Variants in ATG10 observed in about 807,000 individuals in gnomAD.
ATG10 encodes the protein ubiquitin-like-conjugating enzyme ATG10.
In ATG10, 30 loss-of-function variants were observed where a neutral mutation model predicts 32.1. That is an observed-to-expected ratio of 0.94 (90% CI 0.70 to 1.27). The LOEUF (loss-of-function observed/expected upper bound fraction) is 1.27, where lower values mean the gene tolerates loss of function less well. Among genes scored for constraint, ATG10 ranks in the 50% most tolerant of loss-of-function variants. ATG10 has a pLI of 0.00. For synonymous variants in ATG10, 87 were observed against 91.5 expected, an observed-to-expected ratio of 0.95 and a Z score of 0.28; for missense variants, 233 against 262.3, an observed-to-expected ratio of 0.89 and a Z score of 0.77.
At chr5:82,032,829 C>T (rs1762781426) in intron 2 of ATG10, among the ~76,000 whole-genome samples, 1 of 151,876 alleles carries the variant, frequency 6.6e-6, no homozygotes, top group South Asian at 2.1e-4. Context: ...ACATTGTTCA[C>T]ACCTTTTTAA....
intron 2 of ATG10, chr5:82,009,509 G>A: frequency 2.7e-6 from 3 of 1,108,060 alleles, no homozygotes; most frequent in South Asian, 1.4e-5. Flanking sequence ...AAAGATTCTA[G>A]GATACTGCGA....
At chr5:82,171,832 T>C (rs1743819884) in intron 4 of ATG10, among the ~76,000 whole-genome samples, 1 of 152,228 alleles carries the variant, frequency 6.6e-6, no homozygotes, top group African/African-American at 2.4e-5. Context: ...TGTTCATTCA[T>C]TTGAAAATAT....
intron 2 of ATG10, among the ~76,000 whole-genome samples, chr5:82,017,941 A>C (rs10462376): frequency 6.6e-6 from 1 of 151,944 alleles, no homozygotes; most frequent in African/African-American, 2.4e-5. Context: ...ATTAGTGCCC[A>C]TGAGCAGTCC....
intron 2 of ATG10, among the ~76,000 whole-genome samples, chr5:82,020,331 A>C (rs1762401733): frequency 6.6e-6 from 1 of 152,232 alleles, no homozygotes; most frequent in African/African-American, 2.4e-5. Context: ...AAGTCTTCAG[A>C]GTAACAAAAC....
At position 82,144,865 on chromosome 5, in the gene ATG10, TA is replaced by T. The variant is rs1348554720; in HGVS notation, c.217-19531del. ...ACTAAAATTTTTTTTAGCTTTTCTA[TA>T]AATTGCTGAGATTAGGGTACTAAAA... is the stretch of plus-strand genomic sequence containing the variant. On this transcript the variant is annotated intron_variant, in intron 3 of 7. Transcript: ENST00000282185. Among the ~76,000 whole-genome samples, 8 of 152,230 alleles carry T rather than the reference TA, an allele frequency of 5.3e-5. No homozygotes were observed. The East Asian group carries it at 1.5e-3, about 29-fold the overall frequency.
intron 2 of ATG10, among the ~76,000 whole-genome samples, chr5:82,052,420 T>C (rs1561274729): frequency 6.6e-6 from 1 of 152,188 alleles, no homozygotes; most frequent in Non-Finnish European, 1.5e-5. Context: ...AAAACTTGCT[T>C]GTCTCTCTTG....
At position 82,027,438 on chromosome 5, in the gene ATG10, C is replaced by CAAT. The variant is rs1762626648; in HGVS notation, c.109-31056_109-31055insATA. On this transcript the variant is annotated intron_variant, in intron 2 of 7. Transcript: ENST00000282185. ...ATCAATTAATCAAAATATTTTAAAT[C>CAAT]ACACATGAGTATATGTATTGTACAT... Among the ~76,000 whole-genome samples the CAAT allele has an allele frequency of 2.6e-5, 4 of 152,130 alleles. No homozygotes were observed. The South Asian group carries it at 8.3e-4, about 32-fold the overall frequency.
chr5:81,985,762 T>C (rs1761245835), intron 1 of ATG10, among the ~76,000 whole-genome samples: 1 of 152,184 alleles, frequency 6.6e-6, no homozygotes, highest in African/African-American at 2.4e-5. Context: ...ATAACAGTTG[T>C]CTTTTTTACT....
At chr5:82,216,038 A>G (rs1745666960) in intron 5 of ATG10, among the ~76,000 whole-genome samples, 1 of 152,226 alleles carries the variant, frequency 6.6e-6, no homozygotes, top group African/African-American at 2.4e-5. Flanking sequence ...GGCTTAATCA[A>G]TGTTTAGTGA....
chr5:82,030,141 T>G (rs910235417), intron 2 of ATG10, among the ~76,000 whole-genome samples: 2 of 152,066 alleles, frequency 1.3e-5, no homozygotes, highest in Non-Finnish European at 2.9e-5. Context: ...CTACATACAG[T>G]AGGGCCTCTT....
intron 3 of ATG10, among the ~76,000 whole-genome samples, chr5:82,109,084 C>T (rs753922651): frequency 3.3e-5 from 5 of 151,980 alleles, no homozygotes; most frequent in Non-Finnish European, 5.9e-5. Flanking sequence ...AGAGCCTAAC[C>T]TTGGTGGAAG....
At chr5:82,184,982 G>C (rs1365745647) in intron 5 of ATG10, among the ~76,000 whole-genome samples, 1 of 152,158 alleles carries the variant, frequency 6.6e-6, no homozygotes, top group African/African-American at 2.4e-5. Context: ...TGATGATGAT[G>C]GAAGGGACTT....
chr5:82,124,074 A>AT (rs78005207), intron 3 of ATG10, among the ~76,000 whole-genome samples: 33,323 of 136,678 alleles, frequency 0.24, 4,362 homozygotes, highest in Middle Eastern at 0.35. Flanking sequence ...TATTCCATGG[A>AT]TTTTTTTTTT....
chr5:82,192,413 A>C lies in ATG10; in HGVS notation c.453+13826A>C, dbSNP rs1581788345. Among the ~76,000 whole-genome samples the C allele has an allele frequency of 3.3e-5, 5 of 152,194 alleles. No individual in the cohort carries two copies. The East Asian group carries it at 9.6e-4, about 29-fold the overall frequency. On this transcript the variant is annotated intron_variant, in intron 5 of 7. Coordinates refer to ENST00000282185, the MANE Select transcript of ATG10 (RefSeq NM_031482.5). Reference sequence around the variant, plus strand: ...TAGATTCTGGTTTTTGCAACTGAACATTGACTGATACCATATTATATAGCT... The same window carrying C: ...TAGATTCTGGTTTTTGCAACTGAACCTTGACTGATACCATATTATATAGCT...
At chr5:82,098,125 A>G (rs1291330542) in intron 3 of ATG10, among the ~76,000 whole-genome samples, 1 of 152,138 alleles carries the variant, frequency 6.6e-6, no homozygotes, top group Non-Finnish European at 1.5e-5. Context: ...AAAGCCAGGT[A>G]AAGGTGTTAG....
chr5:81,972,748 C>T (rs1174837727), intron 1 of ATG10, among the ~76,000 whole-genome samples: 2 of 152,044 alleles, frequency 1.3e-5, no homozygotes, highest in African/African-American at 4.8e-5. Context: ...TTAGAGCCAA[C>T]AGGTCTTTCT....
At chr5:82,082,681 C>G (rs80176350) in intron 3 of ATG10, among the ~76,000 whole-genome samples, 3 of 149,962 alleles carry the variant, frequency 2.0e-5, no homozygotes, top group Admixed American at 6.6e-5. Flanking sequence ...TTTTTTTTAA[C>G]TGAACTAAAA....
chr5:82,016,973 A>T (rs1321732583), intron 2 of ATG10, among the ~76,000 whole-genome samples: 1 of 152,156 alleles, frequency 6.6e-6, no homozygotes, highest in African/African-American at 2.4e-5. Flanking sequence ...TACAGGCGTG[A>T]GCCACTGCGC....
chr5:82,107,416 A>G (rs1765476595), intron 3 of ATG10, among the ~76,000 whole-genome samples: 2 of 152,100 alleles, frequency 1.3e-5, no homozygotes, highest in Admixed American at 1.3e-4. Flanking sequence ...GCTAAGCTGA[A>G]TTGATGTTTA....
Sources: gnomAD v4.1 joint callset for allele counts (sites outside exome capture counted in the v4.1 genomes callset) on GRCh38, gnomAD v4.1.1 for gene constraint, MANE v1.5 for transcripts, NCBI Gene and HGNC (gene_info 2026-07-23, HGNC 2026-07-21) for gene names.